The following NRIP1 variants were observed in gnomAD, a reference collection of about 807,000 sequenced individuals.
NRIP1 encodes the protein nuclear receptor interacting protein 1.
NRIP1 carries 28 observed loss-of-function variants against 75.0 expected under a neutral mutation model. The observed-to-expected ratio is 0.37, with a 90% CI of 0.28 to 0.51. The LOEUF (loss-of-function observed/expected upper bound fraction) is 0.51, where lower values mean the gene tolerates loss of function less well. NRIP1 is among the 20% of genes least tolerant of loss of function. NRIP1 has a pLI of 0.92. For missense variants in NRIP1, 1,435 were observed against 1,343.7 expected, an observed-to-expected ratio of 1.07 and a Z score of -1.06; for synonymous variants, 526 against 487.6, an observed-to-expected ratio of 1.08 and a Z score of -1.04.
At chr21:14,985,418 G>A (rs938334025) in intron 3 of NRIP1, among the ~76,000 whole-genome samples, 4 of 151,964 alleles carry the variant, frequency 2.6e-5, no homozygotes, top group Admixed American at 6.6e-5. Flanking sequence ...GAGTTCTGTG[G>A]GTTTAGAAAA....
chr21:14,989,187 C>A (rs770001147), intron 3 of NRIP1, among the ~76,000 whole-genome samples: 1 of 152,160 alleles, frequency 6.6e-6, no homozygotes, highest in African/African-American at 2.4e-5. Flanking sequence ...AAGAACTCTG[C>A]AAACGCTCTT....
At position 14,962,010 on chromosome 21, in the gene NRIP1, A is replaced by G. The variant is rs1474667051; in HGVS notation, c.*2706T>C. 1.2e-5 allele frequency: 1 copy of G among 84,534 alleles called. No individual in the cohort carries two copies. The highest frequency in any genetic ancestry group is 2.1e-5 in the Non-Finnish European group (1 of 48,166). 5.2% of individuals were successfully genotyped at this position (84,534 alleles called of 1,614,324 possible). ...GTAACAAGTCAATATATATATATATACATATTATATATATATATATATATA... is the reference window on the plus strand; with the variant it reads ...GTAACAAGTCAATATATATATATATGCATATTATATATATATATATATATA... On this transcript the variant is annotated 3_prime_UTR_variant, in exon 4 of 4. Coordinates refer to ENST00000318948, the MANE Select transcript of NRIP1 (RefSeq NM_003489.4).
chr21:14,990,573 G>C (rs1034319947), intron 3 of NRIP1, among the ~76,000 whole-genome samples: 1 of 152,198 alleles, frequency 6.6e-6, no homozygotes, highest in Non-Finnish European at 1.5e-5. Flanking sequence ...AAGAAGGTAA[G>C]AGCCAGAGGG....
rs147455472 is a variant in NRIP1 at position 15,039,678 on chromosome 21, T to G, written c.-458+3817A>C. Among the ~76,000 whole-genome samples, 916 of 152,210 alleles carry G rather than the reference T, an allele frequency of 6.0e-3. 5 individuals carry two copies. Among genetic ancestry groups the G allele is most frequent in the Non-Finnish European group, 9.3e-3 (635 of 67,918 alleles). On this transcript the variant is annotated intron_variant, in intron 2 of 3. Coordinates refer to ENST00000318948, the MANE Select transcript of NRIP1 (RefSeq NM_003489.4). ...TATTAAATATGGTGGAGTTACAGCA[T>G]ACAGCAATTTATCACATTCAATTAA...
chr21:14,972,042 T>C (rs746388416), intron 3 of NRIP1, among the ~76,000 whole-genome samples: 16 of 152,204 alleles, frequency 1.1e-4, no homozygotes, highest in Non-Finnish European at 1.6e-4. Context: ...AAATCAAAGA[T>C]TGTGGTCACG....
rs186620533 is a variant in NRIP1, at chr21:15,044,364, A to G, written c.-537-790T>C. ...GAATGACACTGACGTGGAAAAGTTC[A>G]TACTTTCAGGAACAAAAGAGTGGAT... On this transcript the variant is annotated intron_variant, in intron 1 of 3. Coordinates refer to ENST00000318948, the MANE Select transcript of NRIP1 (RefSeq NM_003489.4). 6.6e-5 allele frequency among the ~76,000 whole-genome samples: 10 copies of G among 151,224 alleles called. No individual in the cohort carries two copies. In the East Asian group the frequency reaches 1.9e-3, roughly 29 times the overall value.
At chr21:14,975,767 T>C (rs1011681003) in intron 3 of NRIP1, among the ~76,000 whole-genome samples, 1 of 152,160 alleles carries the variant, frequency 6.6e-6, no homozygotes, top group Non-Finnish European at 1.5e-5. Flanking sequence ...CCGTTATTTT[T>C]ACTTTTTATT....
intron 3 of NRIP1, among the ~76,000 whole-genome samples, chr21:15,005,658 C>A (rs1359072075): frequency 6.6e-6 from 1 of 152,162 alleles, no homozygotes; most frequent in Non-Finnish European, 1.5e-5. Flanking sequence ...TTAGCAGGAT[C>A]TGTGCCAGTG....
chr21:14,980,094 A>G (rs2087190111), intron 3 of NRIP1, among the ~76,000 whole-genome samples: 1 of 152,206 alleles, frequency 6.6e-6, no homozygotes, highest in South Asian at 2.1e-4. Context: ...TAATTTATCC[A>G]TAGTCTTCCA....
At chr21:14,990,149 GC>G (rs1183143707) in intron 3 of NRIP1, among the ~76,000 whole-genome samples, 1 of 152,118 alleles carries the variant, frequency 6.6e-6, no homozygotes, top group Admixed American at 6.5e-5. Context: ...TAGCCTAAGA[GC>G]TGCTCCAGAA....
intron 2 of NRIP1, among the ~76,000 whole-genome samples, chr21:15,034,293 C>A (rs2147278990): frequency 6.6e-6 from 1 of 152,250 alleles, no homozygotes; most frequent in Admixed American, 6.5e-5. Flanking sequence ...TATAAAAATT[C>A]AAATAGTAGT....
intron 2 of NRIP1, among the ~76,000 whole-genome samples, chr21:15,028,417 A>G (rs1228451740): frequency 6.6e-6 from 1 of 152,216 alleles, no homozygotes; most frequent in East Asian, 1.9e-4. Flanking sequence ...AAGATCGCCT[A>G]TTTAATAACA....
In NRIP1 at chr21:14,966,447, A is replaced by G; in HGVS notation, c.1746T>C (p.Tyr582=). ...SLVIKWNSPP[Y]VCSTQSEKLT... ...GCTTTTCAGACTGAGTACTGCAGAC[A>G]TATGGTGGGGAATTCCATTTGATGA... The change falls in exon 4 of 4, where the codon TAT becomes TAC. Residue 582 remains tyrosine (Y), a synonymous_variant. Transcript: ENST00000318948. 1 of 1,614,118 alleles carries G rather than the reference A, an allele frequency of 6.2e-7. No individual in the cohort carries two copies.
At position 15,035,665 on chromosome 21, in the gene NRIP1, T is replaced by C. The variant is rs1163445757; in HGVS notation, c.-458+7830A>G. On this transcript the variant is annotated intron_variant, in intron 2 of 3. Transcript: ENST00000318948. ...TCCGCCTCCTGGGTTCAAGCATTTC[T>C]CCTGCCTCAGCCTCCTGAGTAGCTG... Among the ~76,000 whole-genome samples the C allele has an allele frequency of 2.0e-5, 3 of 151,586 alleles. 1 individual carries two copies. Among genetic ancestry groups the C allele is most frequent in the Non-Finnish European group, 4.4e-5 (3 of 67,918 alleles).
chr21:14,967,986 A>T lies in NRIP1; in HGVS notation c.207T>A (p.Asn69Lys). 1 of 1,614,022 alleles carries T rather than the reference A, an allele frequency of 6.2e-7. No individual in the cohort carries two copies. Among genetic ancestry groups the T allele is most frequent in the Non-Finnish European group, 8.5e-7 (1 of 1,180,006 alleles). ...PTCQSNGPVLNTHTYQGSGML... is the reference protein window; with the variant it reads ...PTCQSNGPVLKTHTYQGSGML... Reference sequence around the variant, plus strand: ...TGCCAGACCCCTGATATGTATGTGTATTGAGAACTGGACCATTACTTTGAC... The same window carrying T: ...TGCCAGACCCCTGATATGTATGTGTTTTGAGAACTGGACCATTACTTTGAC... Residue 69 changes from asparagine to lysine, a missense_variant, in exon 4 of 4, where the codon AAT becomes AAA. Coordinates refer to ENST00000318948, the MANE Select transcript of NRIP1 (RefSeq NM_003489.4).
chr21:15,049,259 A>T (rs777284277), intron 1 of NRIP1, among the ~76,000 whole-genome samples: 2 of 152,110 alleles, frequency 1.3e-5, no homozygotes, highest in Non-Finnish European at 2.9e-5. Flanking sequence ...ATTTTTTATA[A>T]CCTAAACACG....
chr21:15,031,026 T>TAC (rs756935834), intron 2 of NRIP1, among the ~76,000 whole-genome samples: 11,785 of 89,574 alleles, frequency 0.13, 2,286 homozygotes, highest in South Asian at 0.2. Flanking sequence ...TCTATGTGTA[T>TAC]ACTCTGGAAG....
At chr21:15,051,060 C>G (rs944775540) in intron 1 of NRIP1, 1 of 377,630 alleles carries the variant, frequency 2.6e-6, no homozygotes, top group Admixed American at 3.2e-5. Flanking sequence ...CTTGCCTTTC[C>G]CACAGATACT....
chr21:15,065,603 T>A (rs898656067), upstream of NRIP1: 1 of 151,778 alleles, frequency 6.6e-6, no homozygotes, highest in African/African-American at 2.4e-5. Context: ...AATCTGTGTG[T>A]CCTGCTTTAA....
Sources: allele counts gnomAD v4.1 joint callset (sites outside exome capture counted in the v4.1 genomes callset), GRCh38; gene constraint gnomAD v4.1.1; transcripts MANE v1.5; gene names NCBI Gene and HGNC (gene_info 2026-07-23, HGNC 2026-07-21).